The following CECR2 variants were observed in gnomAD, a reference collection of about 807,000 sequenced individuals.
The protein encoded by CECR2 is CECR2 histone acetyl-lysine reader, also known as chromatin remodeling regulator CECR2.
CECR2 carries 30 observed loss-of-function variants against 154.5 expected under a neutral mutation model. That is an observed-to-expected ratio of 0.19 (90% CI 0.15 to 0.26). The LOEUF is 0.26. Among genes scored for constraint, CECR2 ranks in the 10% least tolerant of loss-of-function variants. CECR2 has a pLI of 1.00. For missense variants in CECR2, 1,743 were observed against 1,829.3 expected (o/e 0.95, Z 0.86); for synonymous variants, 725 against 683.7 (o/e 1.06, Z -0.94).
At chr22:17,508,364 A>T (rs371506646) in intron 7 of CECR2, among the ~76,000 whole-genome samples, 3 of 151,880 alleles carry the variant, frequency 2.0e-5, no homozygotes, top group African/African-American at 7.3e-5. Context: ...CATTCATGAT[A>T]AGTGCCCTAT....
Position 17,555,394 on chromosome 22 carries a change from T to C in CECR2, c.*2554T>C, listed in dbSNP as rs1367530256. The C allele has an allele frequency of 1.3e-5, 2 of 152,314 alleles. No individual in the cohort carries two copies. Among genetic ancestry groups the C allele is most frequent in the African/African-American group, 4.8e-5 (2 of 41,450 alleles). 9.4% of individuals were successfully genotyped at this position (152,314 alleles called of 1,614,324 possible). A position where few individuals can be genotyped will look rare whatever the true frequency, so the allele number is the denominator to read the frequency against. On this transcript the variant is annotated 3_prime_UTR_variant, in exon 19 of 19. Transcript: ENST00000262608. ...CCTTCCTGCGTCCTGTGTGGGAATG[T>C]GTCCATGCCTTATAGGTACTAGTGC...
intron 2 of CECR2, among the ~76,000 whole-genome samples, chr22:17,481,048 T>TAAAAAAAAAAAAAAAAAA (rs1569109739): frequency 5.5e-5 from 4 of 73,178 alleles, no homozygotes; most frequent in African/African-American, 1.7e-4. Flanking sequence ...TCTTTTTTTT[T>TAAAAAAAAAAAAAAAAAA]TAAAAAAAAA....
At chr22:17,498,462 C>G (rs887733306) in intron 3 of CECR2, among the ~76,000 whole-genome samples, 7 of 151,814 alleles carry the variant, frequency 4.6e-5, no homozygotes, top group Non-Finnish European at 1.0e-4. Flanking sequence ...AAGTCAGTTT[C>G]TAATCCTGTT....
Position 17,415,237 on chromosome 22 carries a change from GTTC to G in CECR2, c.126+45334_126+45336del, listed in dbSNP as rs949719214. Reference sequence around the variant, plus strand: ...GAAGCTTCTCTTCTTCTCCTTCTTTGTTCTTCTTTTTTTCTTCTTCTTGAGACA... The same window carrying G: ...GAAGCTTCTCTTCTTCTCCTTCTTTGTTCTTTTTTTCTTCTTCTTGAGACA... On this transcript the variant is annotated intron_variant, in intron 1 of 18. Transcript: ENST00000262608. 9.2e-5 allele frequency among the ~76,000 whole-genome samples: 14 copies of G among 151,844 alleles called. 2 individuals are homozygous for G. The highest frequency in any genetic ancestry group is 6.8e-3 in the Middle Eastern group (2 of 294).
chr22:17,540,513 C>T lies in CECR2; in HGVS notation c.1597C>T (p.Arg533Ter). 1 of 1,611,012 alleles carries T rather than the reference C, an allele frequency of 6.2e-7. No homozygotes were observed. Among genetic ancestry groups the T allele is most frequent in the Non-Finnish European group, 8.5e-7 (1 of 1,178,322 alleles). The change falls in exon 14 of 19, where the codon CGA (arginine) becomes TGA (stop). Residue 533 changes from arginine (R) to a stop codon, truncating the protein, a stop_gained. Transcript: ENST00000262608. LOFTEE classifies it high-confidence loss of function. ...AGACACAGATGAAGAATTTTGGATT[C>T]GAGAGGATGAAAAGCGGGAGAAAAG... ...DGDTDEEFWIREDEKREKRRS... is the reference protein window; with the variant it reads ...DGDTDEEFWI
At chr22:17,476,720 G>C (rs1400735551) in intron 1 of CECR2, among the ~76,000 whole-genome samples, 2 of 152,182 alleles carry the variant, frequency 1.3e-5, no homozygotes, top group Admixed American at 6.5e-5. Flanking sequence ...CAGACTCTTG[G>C]GAAATGGTTT....
In CECR2 at chr22:17,542,931, C is replaced by A; in HGVS notation, c.2788C>A (p.Pro930Thr). The change falls in exon 16 of 19, where the codon CCC becomes ACC. Residue 930 changes from proline (P) to threonine (T), a missense_variant. Pro to Thr is a conservative substitution (Grantham distance 38). Coordinates refer to ENST00000262608, the MANE Select transcript of CECR2 (RefSeq NM_001290047.2). ...AHPMSVTVSA[P>T]KPALGNPGRA... ...CCCAATGTCAGTCACTGTGTCAGCCCCCAAGCCTGCCCTGGGCAACCCTGG... is the reference window on the plus strand; with the variant it reads ...CCCAATGTCAGTCACTGTGTCAGCCACCAAGCCTGCCCTGGGCAACCCTGG... The A allele has an allele frequency of 6.2e-7, 1 of 1,613,948 alleles. No homozygotes were observed. The highest frequency in any genetic ancestry group is 8.5e-7 in the Non-Finnish European group (1 of 1,179,862).
intron 1 of CECR2, among the ~76,000 whole-genome samples, chr22:17,448,050 A>G (rs556997666): frequency 6.6e-6 from 1 of 152,282 alleles, no homozygotes; most frequent in South Asian, 2.1e-4. Context: ...GATTTACACT[A>G]TTTTTAAATA....
chr22:17,524,268 G>A lies in CECR2; in HGVS notation c.1105G>A (p.Glu369Lys). 1 of 1,607,882 alleles carries A rather than the reference G, an allele frequency of 6.2e-7. No homozygotes were observed. Among genetic ancestry groups the A allele is most frequent in the Non-Finnish European group, 8.5e-7 (1 of 1,177,568 alleles). Residue 369 changes from glutamate (E) to lysine (K), a missense_variant, in exon 9 of 19, where the codon GAA (glutamate) becomes AAA (lysine). Physicochemically the swap from Glu to Lys is moderately conservative, Grantham distance 56 (BLOSUM62 1). This residue lies in a region of CECR2 where 292 missense variants were observed against 301.2 expected (regional missense o/e 0.97). Transcript: ENST00000262608. Reference protein sequence around the residue: ...RELEEKVKAVEDRAKRRKLRE... With the variant: ...RELEEKVKAVKDRAKRRKLRE... ...GTTGGAGGAGAAGGTCAAGGCAGTG[G>A]AAGGTATGTGCAGTGTCCGCGTGGT... is the stretch of plus-strand genomic sequence containing the variant.
At chr22:17,393,806 T>C (rs1257327108) in intron 1 of CECR2, among the ~76,000 whole-genome samples, 9 of 152,168 alleles carry the variant, frequency 5.9e-5, no homozygotes, top group Non-Finnish European at 8.8e-5. Context: ...TGTGGAGAAA[T>C]GTCTGTTCAC....
rs869050391 is a variant in CECR2 at position 17,482,115 on chromosome 22, C to CAAAAAAAAAAAAA, written c.221+4447_221+4459dup. Among the ~76,000 whole-genome samples, 17 of 76,320 alleles carry CAAAAAAAAAAAAA rather than the reference C, an allele frequency of 2.2e-4. 1 individual carries two copies. Among genetic ancestry groups the CAAAAAAAAAAAAA allele is most frequent in the East Asian group, 2.0e-3 (4 of 1,980 alleles). The allele number at this position is 76,320 out of a possible 152,430, so 50.1% of individuals were successfully genotyped here. A position where few individuals can be genotyped will look rare whatever the true frequency, so the allele number is the denominator to read the frequency against. ...GGGTGACAGATCGAGACTCTGTCTC[C>CAAAAAAAAAAAAA]AAAAAAAAAAAAAAAAAAAAAAAAA... On this transcript the variant is annotated intron_variant, in intron 2 of 18. Transcript: ENST00000262608.
intron 1 of CECR2, among the ~76,000 whole-genome samples, chr22:17,435,546 T>C (rs1316696652): frequency 1.3e-5 from 2 of 152,152 alleles, no homozygotes; most frequent in Admixed American, 6.5e-5. Flanking sequence ...CAGCACCTTT[T>C]GAACTGTGTA....
chr22:17,530,021 A>G (rs1358774418), intron 9 of CECR2, among the ~76,000 whole-genome samples: 2 of 152,190 alleles, frequency 1.3e-5, no homozygotes, highest in Non-Finnish European at 2.9e-5. Flanking sequence ...TTTTAACATA[A>G]TGAGTAATAT....
intron 2 of CECR2, among the ~76,000 whole-genome samples, chr22:17,482,378 C>A (rs887902114): frequency 1.3e-5 from 2 of 152,194 alleles, no homozygotes; most frequent in Admixed American, 6.5e-5. Context: ...GAGCCAAGAT[C>A]ATGCCACCGT....
intron 7 of CECR2, among the ~76,000 whole-genome samples, chr22:17,507,917 G>C (rs779743425): frequency 4.6e-5 from 7 of 152,168 alleles, no homozygotes; most frequent in Non-Finnish European, 1.0e-4. Context: ...CTCACAGAAG[G>C]ATCGATTTAT....
chr22:17,414,188 G>A (rs570341946), intron 1 of CECR2, among the ~76,000 whole-genome samples: 25 of 151,844 alleles, frequency 1.6e-4, no homozygotes, highest in African/African-American at 5.3e-4. Flanking sequence ...TAGCCAGGAT[G>A]GTCTCGATCG....
At chr22:17,392,120 G>GT (rs1197421475) in intron 1 of CECR2, among the ~76,000 whole-genome samples, 1 of 152,114 alleles carries the variant, frequency 6.6e-6, no homozygotes, top group Non-Finnish European at 1.5e-5. Context: ...GAATACAAAT[G>GT]TTTTTTGTTT....
At chr22:17,441,101 A>G (rs5747138) in intron 1 of CECR2, among the ~76,000 whole-genome samples, 43,291 of 151,598 alleles carry the variant, frequency 0.29, 8,727 homozygotes, top group African/African-American at 0.54. Context: ...GGTGCATGCC[A>G]CCACGCCCGG....
intron 1 of CECR2, among the ~76,000 whole-genome samples, chr22:17,442,174 T>C (rs2054594818): frequency 6.6e-6 from 1 of 152,176 alleles, no homozygotes; most frequent in African/African-American, 2.4e-5. Context: ...GAGCATGTCA[T>C]ACTAGAAGAG....
Sources: allele counts gnomAD v4.1 joint callset (sites outside exome capture counted in the v4.1 genomes callset), GRCh38; gene constraint gnomAD v4.1.1; regional missense constraint gnomAD v4.1.1; transcripts MANE v1.5; gene names NCBI Gene and HGNC (gene_info 2026-07-23, HGNC 2026-07-21).